The following RANBP2 variants were observed in gnomAD, a reference collection of about 807,000 sequenced individuals.
RANBP2 encodes RAN binding protein 2.
Under a neutral mutation model 303.6 loss-of-function variants are expected in RANBP2, and 57 were observed. The ratio of observed to expected loss-of-function variants is 0.19; its 90% confidence interval spans 0.15 to 0.23. The LOEUF is 0.23. Ranked by LOEUF, RANBP2 falls within the 10% of genes least tolerant of loss-of-function variation. RANBP2 has a pLI of 1.00. For synonymous variants in RANBP2, 1,167 were observed against 1,301.5 expected, an observed-to-expected ratio of 0.90 and a Z score of 2.23; for missense variants, 3,138 against 3,780.8, an observed-to-expected ratio of 0.83 and a Z score of 4.46.
Position 108,752,985 on chromosome 2 carries a change from C to T in RANBP2, c.1756-13C>T, listed in dbSNP as rs1676022092. The T allele has an allele frequency of 6.2e-7, 1 of 1,607,482 alleles. No homozygotes were observed. Among genetic ancestry groups the T allele is most frequent in the African/African-American group, 1.3e-5 (1 of 74,558 alleles). ...GTTCCTTAAAGTTGTGTGCTTTTAA[C>T]TTTCTTTTTTAGGGCAGCGGTCTTA... On this transcript the variant is annotated splice_polypyrimidine_tract_variant and intron_variant, in intron 12 of 28. Coordinates refer to ENST00000283195, the MANE Select transcript of RANBP2 (RefSeq NM_006267.5).
chr2:109,355,242 A>C, the RANBP2 span, among the ~76,000 whole-genome samples: 10 of 152,208 alleles, frequency 6.6e-5, no homozygotes, highest in South Asian at 2.1e-4. Context: ...TCTGAAAGAG[A>C]AATTATGTTG....
At chr2:108,876,362 C>A in the RANBP2 span, 1 of 597,040 alleles carries the variant, frequency 1.7e-6, no homozygotes, top group Non-Finnish European at 2.8e-6. Context: ...CATCATTTAT[C>A]ATGAAAAATA....
intron 7 of RANBP2, among the ~76,000 whole-genome samples, chr2:108,744,943 A>G (rs1268170849): frequency 6.6e-6 from 1 of 152,124 alleles, no homozygotes; most frequent in Non-Finnish European, 1.5e-5. Context: ...ACATTTGAAC[A>G]TTGCATTTAC....
At chr2:108,781,065 G>A (rs1231904319) in intron 25 of RANBP2, among the ~76,000 whole-genome samples, 1 of 152,026 alleles carries the variant, frequency 6.6e-6, no homozygotes, top group Non-Finnish European at 1.5e-5. Flanking sequence ...GGCTGGTCTC[G>A]AACCCCTGAC....
chr2:109,428,074 G>T, the RANBP2 span, among the ~76,000 whole-genome samples: 1 of 152,196 alleles, frequency 6.6e-6, no homozygotes, highest in African/African-American at 2.4e-5. Flanking sequence ...CACTCCTGCT[G>T]TGGGTCTTCC....
the RANBP2 span, among the ~76,000 whole-genome samples, chr2:109,237,151 A>G: frequency 6.6e-6 from 1 of 152,254 alleles, no homozygotes; most frequent in African/African-American, 2.4e-5. Context: ...AATAGATTTT[A>G]AAGAGTTAAT....
the RANBP2 span, among the ~76,000 whole-genome samples, chr2:109,116,983 C>T: frequency 2.6e-5 from 4 of 152,148 alleles, no homozygotes; most frequent in East Asian, 1.9e-4. Context: ...TCTGATTGTT[C>T]GTCTGGAAGT....
chr2:108,740,459 T>C (rs1193596992), intron 6 of RANBP2, 30 bp from the exon 7 acceptor site: 1 of 1,597,412 alleles, frequency 6.3e-7, no homozygotes, highest in Admixed American at 1.7e-5. Flanking sequence ...AGTAAGTGTG[T>C]ATTATCTGTT....
At chr2:108,814,387 G>C in the RANBP2 span, among the ~76,000 whole-genome samples, 2 of 152,028 alleles carry the variant, frequency 1.3e-5, no homozygotes, top group Middle Eastern at 3.2e-3. Context: ...TTTATAAATT[G>C]AGAAAATTGG....
chr2:108,909,899 A>G, the RANBP2 span, among the ~76,000 whole-genome samples: 1 of 152,132 alleles, frequency 6.6e-6, no homozygotes. Flanking sequence ...CTAGTGTGTG[A>G]CCTTGGGCGA....
the RANBP2 span, among the ~76,000 whole-genome samples, chr2:109,377,365 T>G: frequency 6.6e-6 from 1 of 152,140 alleles, no homozygotes; most frequent in African/African-American, 2.4e-5. Context: ...ATGAGCCTCC[T>G]AGTCATCCCA....
the RANBP2 span, chr2:109,503,041 G>T: frequency 1.3e-5 from 2 of 152,308 alleles, no homozygotes; most frequent in Non-Finnish European, 1.5e-5. Flanking sequence ...CAGCTTTGAT[G>T]CTGGGACCTC....
the RANBP2 span, among the ~76,000 whole-genome samples, chr2:109,028,620 C>G: frequency 8.5e-4 from 129 of 152,318 alleles, no homozygotes; most frequent in African/African-American, 3.0e-3. Flanking sequence ...TCCCAACAGC[C>G]CTCACTTAGA....
chr2:108,792,951 T>C, the RANBP2 span, among the ~76,000 whole-genome samples: 37 of 150,316 alleles, frequency 2.5e-4, 1 homozygote, highest in East Asian at 7.0e-3. Flanking sequence ...GTAGTCCCAG[T>C]TACTCGGGAG....
At chr2:109,700,398 G>A in the RANBP2 span, among the ~76,000 whole-genome samples, 2 of 152,086 alleles carry the variant, frequency 1.3e-5, no homozygotes, top group African/African-American at 2.4e-5. Flanking sequence ...GTGAGACATC[G>A]ATATATATAA....
At chr2:109,707,828 CT>C in the RANBP2 span, among the ~76,000 whole-genome samples, 1 of 152,174 alleles carries the variant, frequency 6.6e-6, no homozygotes, top group African/African-American at 2.4e-5. Context: ...GAATAAATAC[CT>C]AAATGTTTAG....
At chr2:109,552,901 CA>C in the RANBP2 span, 2 of 654,206 alleles carry the variant, frequency 3.1e-6, no homozygotes, top group Non-Finnish European at 4.9e-6. Context: ...AAAAGAAGGC[CA>C]AAGTTTTCAT....
chr2:108,921,144 G>A, the RANBP2 span, among the ~76,000 whole-genome samples: 11 of 152,106 alleles, frequency 7.2e-5, no homozygotes, highest in East Asian at 5.8e-4. Flanking sequence ...AGAAGCTGCC[G>A]TCTCTTTAAG....
In RANBP2 at chr2:108,731,627, G is replaced by A. The variant is rs574943127; in HGVS notation, c.405+153G>A. 2.4e-5 allele frequency: 34 copies of A among 1,411,750 alleles called. No homozygotes were observed. In the South Asian group the frequency reaches 3.5e-4, roughly 15 times the overall value. 87.5% of individuals were successfully genotyped at this position (1,411,750 alleles called of 1,614,324 possible). A position where few individuals can be genotyped will look rare whatever the true frequency, so the allele number is the denominator to read the frequency against. On this transcript the variant is annotated intron_variant, in intron 4 of 28. Transcript: ENST00000283195. ...AAAAAGTGTGTTAAAACCTTTCTGA[G>A]CATCTACTGTCTTATTAGGCATTGT... is the stretch of plus-strand genomic sequence containing the variant.
Sources: allele counts gnomAD v4.1 joint callset (sites outside exome capture counted in the v4.1 genomes callset), GRCh38; gene constraint gnomAD v4.1.1; transcripts MANE v1.5; gene names NCBI Gene and HGNC (gene_info 2026-07-23, HGNC 2026-07-21).